The following GPR149 variants were observed in gnomAD, a reference collection of about 807,000 sequenced individuals.
GPR149 encodes the protein probable G protein-coupled receptor 149.
Under a neutral mutation model 50.2 loss-of-function variants are expected in GPR149, and 50 were observed. The observed-to-expected ratio is 1.00, with a 90% CI of 0.79 to 1.26. The LOEUF (loss-of-function observed/expected upper bound fraction) is 1.26. Ranked by LOEUF, GPR149 falls within the 50% of genes most tolerant of loss-of-function variation. The pLI is 0.00. For synonymous variants in GPR149, 405 were observed against 358.2 expected (o/e 1.13, Z -1.48); for missense variants, 983 against 895.4 (o/e 1.10, Z -1.25).
In GPR149 at chr3:154,427,659, T is replaced by C; in HGVS notation, c.1031A>G (p.Glu344Gly). 1 of 1,614,102 alleles carries C rather than the reference T, an allele frequency of 6.2e-7. No individual in the cohort carries two copies. ...CAGGGTAAGTAGAAAGCTGAATGTC[T>C]CCAAGGGAAGGCTCTGAAACCCCAC... is the stretch of plus-strand genomic sequence containing the variant. The part of the protein sequence containing the change: ...NVVGFQSLPL[E>G]TFSFLLTLLA... Residue 344 changes from glutamate (E) to glycine (G), a missense_variant, in exon 2 of 4, where the codon GAG becomes GGG. Transcript: ENST00000389740.
At position 154,335,400 on chromosome 3, in the gene GPR149, C is replaced by A. The variant is rs1713631674; in HGVS notation, c.*2299G>T. The A allele has an allele frequency of 6.6e-6, 1 of 152,238 alleles. No individual in the cohort carries two copies. The highest frequency in any genetic ancestry group is 2.1e-4 in the South Asian group (1 of 4,826). 9.4% of individuals were successfully genotyped at this position (152,238 alleles called of 1,614,324 possible). The stretch of plus-strand genomic sequence containing the variant: ...ACAAGGATTTGGAGCGTCATTCATG[C>A]TTAGGCACAGCTCTAGTAGATTTTT... On this transcript the variant is annotated 3_prime_UTR_variant, in exon 4 of 4. Transcript: ENST00000389740.
At chr3:154,365,720 A>G (rs1714517335) in intron 3 of GPR149, among the ~76,000 whole-genome samples, 1 of 152,194 alleles carries the variant, frequency 6.6e-6, no homozygotes, top group Admixed American at 6.5e-5. Flanking sequence ...ACATGAACAT[A>G]ATTCAGGCAG....
intron 3 of GPR149, among the ~76,000 whole-genome samples, chr3:154,379,332 C>T (rs1193540491): frequency 4.0e-5 from 6 of 150,608 alleles, no homozygotes; most frequent in East Asian, 1.9e-4. Context: ...CTTATCTATT[C>T]ATTTTCTTAA....
At chr3:154,368,152 G>C (rs991983957) in intron 3 of GPR149, among the ~76,000 whole-genome samples, 14 of 152,318 alleles carry the variant, frequency 9.2e-5, no homozygotes, top group African/African-American at 3.4e-4. Context: ...TTGAGACCAT[G>C]GCCCCGCCAG....
At chr3:154,341,766 A>G (rs566447621) in intron 3 of GPR149, among the ~76,000 whole-genome samples, 2 of 152,172 alleles carry the variant, frequency 1.3e-5, no homozygotes, top group Non-Finnish European at 2.9e-5. Flanking sequence ...CAGATAACCA[A>G]GAAAACTTGG....
intron 3 of GPR149, among the ~76,000 whole-genome samples, chr3:154,392,712 C>G (rs1715198474): frequency 6.6e-6 from 1 of 150,518 alleles, no homozygotes; most frequent in Non-Finnish European, 1.5e-5. Flanking sequence ...AGGGAAGGCC[C>G]AAATAAATAA....
Position 154,426,066 on chromosome 3 carries a change from G to C in GPR149, c.1174+1450C>G, listed in dbSNP as rs190766191. ...AGATTTATTAGAATGTTAGAGTTTTGAGGTTTGTGAATTGTTTCCTTTATG... is the reference window on the plus strand; with the variant it reads ...AGATTTATTAGAATGTTAGAGTTTTCAGGTTTGTGAATTGTTTCCTTTATG... On this transcript the variant is annotated intron_variant, in intron 2 of 3. Coordinates refer to ENST00000389740, the MANE Select transcript of GPR149 (RefSeq NM_001038705.3). Among the ~76,000 whole-genome samples, 247 of 152,238 alleles carry C rather than the reference G, an allele frequency of 1.6e-3. 2 individuals are homozygous for C. The highest frequency in any genetic ancestry group is 5.7e-3 in the African/African-American group (238 of 41,566).
Position 154,336,335 on chromosome 3 carries a change from C to T in GPR149, c.*1364G>A, listed in dbSNP as rs1713656805. ...TAATTCAACCTAATAAAACAGAAAC[C>T]AAAATAAATCATTCTAAAACACAAT... On this transcript the variant is annotated 3_prime_UTR_variant, in exon 4 of 4. Coordinates refer to ENST00000389740, the MANE Select transcript of GPR149 (RefSeq NM_001038705.3). 1 of 151,902 alleles carries T rather than the reference C, an allele frequency of 6.6e-6. No homozygotes were observed. Among genetic ancestry groups the T allele is most frequent in the Non-Finnish European group, 1.5e-5 (1 of 67,888 alleles). The allele number at this position is 151,902 out of a possible 1,614,324, so 9.4% of individuals were successfully genotyped here.
chr3:154,395,098 T>C (rs1413221257), intron 3 of GPR149, among the ~76,000 whole-genome samples: 1 of 152,064 alleles, frequency 6.6e-6, no homozygotes, highest in Non-Finnish European at 1.5e-5. Context: ...TTTTTAAATA[T>C]CAGAAGATTT....
chr3:154,352,002 TA>T (rs1398622285), intron 3 of GPR149: 23 of 282,474 alleles, frequency 8.1e-5, no homozygotes, highest in South Asian at 1.4e-4. Context: ...AAACACTTTT[TA>T]AAAAAAATAC....
chr3:154,391,199 C>T (rs1460240819), intron 3 of GPR149, among the ~76,000 whole-genome samples: 4 of 150,760 alleles, frequency 2.7e-5, no homozygotes, highest in Admixed American at 2.0e-4. Context: ...AACTTTTAAT[C>T]ATAATATAAA....
chr3:154,353,891 G>T, intron 3 of GPR149: 1 of 565,316 alleles, frequency 1.8e-6, no homozygotes, highest in African/African-American at 1.9e-5. Flanking sequence ...AAGCTTTACA[G>T]TCTCTTCAGA....
intron 3 of GPR149, among the ~76,000 whole-genome samples, chr3:154,381,429 T>C (rs981774712): frequency 6.6e-6 from 1 of 152,226 alleles, no homozygotes; most frequent in African/African-American, 2.4e-5. Flanking sequence ...TATTTTTATC[T>C]GAGAAATCAA....
intron 3 of GPR149, among the ~76,000 whole-genome samples, chr3:154,376,845 G>A (rs895202850): frequency 8.5e-5 from 13 of 152,102 alleles, no homozygotes; most frequent in Non-Finnish European, 1.0e-4. Context: ...TTTTACAGAT[G>A]GATGCCCTTG....
At chr3:154,375,503 T>C (rs906735776) in intron 3 of GPR149, among the ~76,000 whole-genome samples, 13 of 152,318 alleles carry the variant, frequency 8.5e-5, no homozygotes, top group Admixed American at 2.6e-4. Flanking sequence ...ATGTAAACTT[T>C]TAACATGCTG....
intron 3 of GPR149, among the ~76,000 whole-genome samples, chr3:154,360,599 AG>A (rs1298137967): frequency 6.6e-6 from 1 of 152,226 alleles, no homozygotes; most frequent in African/African-American, 2.4e-5. Flanking sequence ...GTATGGCACT[AG>A]AAAAAAATAG....
At chr3:154,426,947 T>A (rs1429898574) in intron 2 of GPR149, among the ~76,000 whole-genome samples, 4 of 151,722 alleles carry the variant, frequency 2.6e-5, no homozygotes, top group Non-Finnish European at 5.9e-5. Flanking sequence ...ACAATTTGTT[T>A]TGGAACTGTT....
intron 3 of GPR149, chr3:154,352,474 G>C: frequency 1.3e-6 from 1 of 786,754 alleles, no homozygotes; most frequent in Non-Finnish European, 2.3e-6. Flanking sequence ...TTTCCTTTCA[G>C]GAGGCACACA....
chr3:154,371,905 A>G (rs1714674393), intron 3 of GPR149, among the ~76,000 whole-genome samples: 1 of 151,688 alleles, frequency 6.6e-6, no homozygotes, highest in Non-Finnish European at 1.5e-5. Context: ...TTTCCTCAGG[A>G]TCGAGGCCAT....
Sources: allele counts gnomAD v4.1 joint callset (sites outside exome capture counted in the v4.1 genomes callset), GRCh38; gene constraint gnomAD v4.1.1; transcripts MANE v1.5; gene names NCBI Gene and HGNC (gene_info 2026-07-23, HGNC 2026-07-21).